Variants in AGBL1 observed in about 807,000 individuals in gnomAD.
AGBL1 encodes the protein cytosolic carboxypeptidase 4.
AGBL1 carries 130 observed loss-of-function variants against 118.9 expected under a neutral mutation model. The ratio of observed to expected loss-of-function variants is 1.09; its 90% CI spans 0.95 to 1.26. The LOEUF (loss-of-function observed/expected upper bound fraction) is 1.26. Ranked by LOEUF, AGBL1 falls within the 50% of genes most tolerant of loss-of-function variation. The pLI, the probability that AGBL1 is intolerant of heterozygous loss-of-function variation, is 0.00. For missense variants in AGBL1, 1,584 were observed against 1,298.1 expected, an observed-to-expected ratio of 1.22 and a Z score of -3.38; for synonymous variants, 555 against 478.9, an observed-to-expected ratio of 1.16 and a Z score of -2.08.
chr15:86,960,701 G>A (rs1407863467), intron 23 of AGBL1, among the ~76,000 whole-genome samples: 1 of 151,772 alleles, frequency 6.6e-6, no homozygotes, highest in South Asian at 2.1e-4. Context: ...ATTCAAAATA[G>A]CCAAGATATG....
chr15:86,817,814 C>T (rs1030214239), intron 22 of AGBL1, among the ~76,000 whole-genome samples: 2 of 152,046 alleles, frequency 1.3e-5, no homozygotes, highest in African/African-American at 4.8e-5. Context: ...AGATGTTACT[C>T]AAGATCTTAG....
At chr15:86,999,291 T>C (rs2081411177) in intron 24 of AGBL1, among the ~76,000 whole-genome samples, 1 of 151,670 alleles carries the variant, frequency 6.6e-6, no homozygotes, top group Non-Finnish European at 1.5e-5. Flanking sequence ...TACATGTGTG[T>C]ACATGTGCCA....
intron 17 of AGBL1, among the ~76,000 whole-genome samples, chr15:86,338,950 A>G (rs2080417796): frequency 1.3e-5 from 2 of 152,184 alleles, no homozygotes; most frequent in African/African-American, 4.8e-5. Flanking sequence ...ACCCTCTACT[A>G]GAGGGTTACA....
At chr15:86,320,084 G>T (rs368297121) in intron 17 of AGBL1, among the ~76,000 whole-genome samples, 9 of 151,990 alleles carry the variant, frequency 5.9e-5, no homozygotes, top group East Asian at 3.9e-4. Context: ...ACTATTCTTG[G>T]CCTCTTTCAC....
At chr15:86,365,016 CATATATATAT>C (rs1225936471) in intron 17 of AGBL1, among the ~76,000 whole-genome samples, 1 of 121,992 alleles carries the variant, frequency 8.2e-6, no homozygotes, top group African/African-American at 3.1e-5. Flanking sequence ...TATACACACA[CATATATATAT>C]ACACACACAT....
intron 22 of AGBL1, among the ~76,000 whole-genome samples, chr15:86,704,771 C>G (rs1170126675): frequency 6.6e-6 from 1 of 152,166 alleles, no homozygotes; most frequent in Non-Finnish European, 1.5e-5. Flanking sequence ...ACCCAACAAT[C>G]CCATTACTGG....
chr15:86,875,440 A>G (rs185261474), intron 22 of AGBL1, among the ~76,000 whole-genome samples: 175 of 152,312 alleles, frequency 1.1e-3, no homozygotes, highest in African/African-American at 4.2e-3. Flanking sequence ...AGAAGATTCC[A>G]TAGAAGAGGA....
At chr15:87,008,443 C>T (rs937726595) in intron 24 of AGBL1, among the ~76,000 whole-genome samples, 3 of 152,198 alleles carry the variant, frequency 2.0e-5, no homozygotes, top group African/African-American at 7.2e-5. Context: ...GTCTCCCCAG[C>T]CATGTGGAAC....
chr15:86,524,255 G>T (rs2083230907), intron 19 of AGBL1, among the ~76,000 whole-genome samples: 2 of 152,192 alleles, frequency 1.3e-5, no homozygotes, highest in Non-Finnish European at 2.9e-5. Context: ...ACTGTTGAAA[G>T]CGTGTGTTGG....
intron 23 of AGBL1, among the ~76,000 whole-genome samples, chr15:86,967,958 G>A (rs1046353781): frequency 6.6e-6 from 1 of 152,072 alleles, no homozygotes; most frequent in Non-Finnish European, 1.5e-5. Context: ...CTACCCATGA[G>A]CATAGAATGT....
chr15:86,239,932 A>G (rs2141973251), intron 6 of AGBL1, among the ~76,000 whole-genome samples: 1 of 152,334 alleles, frequency 6.6e-6, no homozygotes, highest in African/African-American at 2.4e-5. Flanking sequence ...AGGTATATAT[A>G]TAGGCACGGG....
intron 23 of AGBL1, among the ~76,000 whole-genome samples, chr15:86,979,763 G>GT (rs2081211202): frequency 1.3e-5 from 2 of 151,876 alleles, no homozygotes; most frequent in Admixed American, 1.3e-4. Flanking sequence ...TTGGCCTTCC[G>GT]AAGTGCTGGG....
Position 86,158,480 on chromosome 15 carries a change from A to G in AGBL1, c.395-453A>G, listed in dbSNP as rs142078225. Among the ~76,000 whole-genome samples the G allele has an allele frequency of 4.4e-3, 673 of 152,328 alleles. 5 individuals are homozygous for G. Among genetic ancestry groups the G allele is most frequent in the African/African-American group, 0.016 (646 of 41,584 alleles). On this transcript the variant is annotated intron_variant, in intron 4 of 22. Transcript: ENST00000614907. ...ACTCCTCTTATTTTCTGACATGAGC[A>G]GAGCTCTACCTAAAGTGATCTAAGT...
intron 22 of AGBL1, among the ~76,000 whole-genome samples, chr15:86,714,792 G>A (rs756757396): frequency 6.6e-6 from 1 of 152,012 alleles, no homozygotes; most frequent in Non-Finnish European, 1.5e-5. Context: ...CGATGTAAAG[G>A]GTCCCCTGAA....
intron 18 of AGBL1, among the ~76,000 whole-genome samples, chr15:86,414,411 G>A (rs1398264138): frequency 1.3e-5 from 2 of 152,116 alleles, no homozygotes; most frequent in Non-Finnish European, 2.9e-5. Flanking sequence ...GCTTCCCAGA[G>A]GTAGTTGGAT....
intron 5 of AGBL1, among the ~76,000 whole-genome samples, chr15:86,171,783 ACCAG>A (rs2077419527): frequency 6.6e-6 from 1 of 152,338 alleles, no homozygotes; most frequent in South Asian, 2.1e-4. Context: ...AGAATATAGA[ACCAG>A]CCCAAATGCC....
chr15:86,785,436 G>A (rs2078396939), intron 22 of AGBL1, among the ~76,000 whole-genome samples: 1 of 146,224 alleles, frequency 6.8e-6, no homozygotes, highest in Non-Finnish European at 1.5e-5. Context: ...GTGTAGTGGT[G>A]TGATCTCTGT....
At chr15:86,436,091 T>C (rs957444531) in intron 18 of AGBL1, among the ~76,000 whole-genome samples, 15 of 26,166 alleles carry the variant, frequency 5.7e-4, no homozygotes, top group African/African-American at 1.2e-3. Flanking sequence ...TTTCCTCTCT[T>C]TTTTTTTTTT....
intron 18 of AGBL1, among the ~76,000 whole-genome samples, chr15:86,519,558 A>C (rs1178179227): frequency 1.3e-5 from 2 of 152,222 alleles, no homozygotes; most frequent in Non-Finnish European, 2.9e-5. Flanking sequence ...AAATGGATTC[A>C]CTTTAAAAGG....
Sources: gnomAD v4.1 joint callset for allele counts (sites outside exome capture counted in the v4.1 genomes callset) on GRCh38, gnomAD v4.1.1 for gene constraint, MANE v1.5 for transcripts, NCBI Gene and HGNC (gene_info 2026-07-23, HGNC 2026-07-21) for gene names.